Variants in AMDHD1 observed in about 807,000 individuals in gnomAD.
AMDHD1 encodes the protein probable imidazolonepropionase.
Under a neutral mutation model 44.1 loss-of-function variants are expected in AMDHD1, and 45 were observed. The ratio of observed to expected loss-of-function variants is 1.02; its 90% CI spans 0.80 to 1.31. AMDHD1 has a LOEUF of 1.31. Ranked by LOEUF, AMDHD1 falls within the 50% of genes most tolerant of loss-of-function variation. The pLI, the probability that AMDHD1 is intolerant of heterozygous loss-of-function variation, is 0.00. For synonymous variants in AMDHD1, 206 were observed against 205.0 expected (o/e 1.00, Z -0.04); for missense variants, 586 against 552.1 (o/e 1.06, Z -0.61).
chr12:95,963,748 G>A (rs924319194), intron 6 of AMDHD1, among the ~76,000 whole-genome samples: 11 of 152,124 alleles, frequency 7.2e-5, no homozygotes, highest in African/African-American at 2.7e-4. Context: ...GGCTTTCTTC[G>A]GCTGGGCACA....
intron 2 of AMDHD1, among the ~76,000 whole-genome samples, chr12:95,953,930 T>C (rs1049852194): frequency 6.6e-5 from 10 of 152,136 alleles, no homozygotes; most frequent in Non-Finnish European, 2.9e-5. Context: ...TGAAATGTTA[T>C]GAAAAAGAGG....
intron 3 of AMDHD1, among the ~76,000 whole-genome samples, chr12:95,955,987 G>A (rs1308404043): frequency 4.6e-5 from 7 of 152,182 alleles, no homozygotes; most frequent in Non-Finnish European, 7.3e-5. Flanking sequence ...AATTGCCTAA[G>A]CTTTGTTTTC....
chr12:95,944,694 C>T (rs540921345), intron 1 of AMDHD1, among the ~76,000 whole-genome samples: 25 of 152,208 alleles, frequency 1.6e-4, no homozygotes, highest in African/African-American at 5.5e-4. Flanking sequence ...AGATTACAGG[C>T]GTGAACCACC....
intron 1 of AMDHD1, among the ~76,000 whole-genome samples, chr12:95,949,140 T>TAAAAAAAAAA (rs1170844527): frequency 6.7e-4 from 3 of 4,462 alleles, no homozygotes; most frequent in Admixed American, 3.8e-3. Flanking sequence ...AAAAATAAAT[T>TAAAAAAAAAA]AAAAAAAAAA....
At chr12:95,964,206 T>C (rs56165065) in intron 6 of AMDHD1, among the ~76,000 whole-genome samples, 2,765 of 152,090 alleles carry the variant, frequency 0.018, 86 homozygotes, top group African/African-American at 0.063. Flanking sequence ...TAGCCTCCTA[T>C]TAGGACCACA....
intron 8 of AMDHD1, 22 bp downstream of exon 8, chr12:95,966,530 T>C (rs1292721649): frequency 3.1e-6 from 5 of 1,613,732 alleles, no homozygotes; most frequent in Non-Finnish European, 4.2e-6. Context: ...TCAACTTAGC[T>C]CTTTTATATT....
intron 1 of AMDHD1, among the ~76,000 whole-genome samples, chr12:95,949,140 TAA>T (rs1170844527): frequency 4.5e-4 from 2 of 4,460 alleles, no homozygotes; most frequent in African/African-American, 1.8e-3. Flanking sequence ...AAAAATAAAT[TAA>T]AAAAAAAAAA....
rs1241339175 is a variant in AMDHD1, at chr12:95,954,669, AT to A, written c.245-238del. Reference sequence around the variant, plus strand: ...AAGGAGCTGTATTTCTGTAAGGGATATTTTCATCATGTTGCATCACCTCCTT... The same window carrying A: ...AAGGAGCTGTATTTCTGTAAGGGATATTTCATCATGTTGCATCACCTCCTT... On this transcript the variant is annotated intron_variant, in intron 2 of 8. Transcript: ENST00000266736. Among the ~76,000 whole-genome samples the A allele has an allele frequency of 3.9e-5, 6 of 152,306 alleles. No homozygotes were observed. In the East Asian group the frequency reaches 7.7e-4, roughly 20 times the overall value.
rs532965838 is a variant in AMDHD1, at chr12:95,961,039, G to A, written c.813+416G>A. 4.0e-5 allele frequency among the ~76,000 whole-genome samples: 6 copies of A among 151,652 alleles called. No homozygotes were observed. In the South Asian group the frequency reaches 8.4e-4, roughly 21 times the overall value. ...CACGCGCCTGTAATCCCAGCTACTCGGGAGGCTGAGGCAGGAGAATTGCTT... is the reference window on the plus strand; with the variant it reads ...CACGCGCCTGTAATCCCAGCTACTCAGGAGGCTGAGGCAGGAGAATTGCTT... On this transcript the variant is annotated intron_variant, in intron 5 of 8. Coordinates refer to ENST00000266736, the MANE Select transcript of AMDHD1 (RefSeq NM_152435.3).
Position 95,966,383 on chromosome 12 carries a change from A to G in AMDHD1, c.1068A>G (p.Arg356=), listed in dbSNP as rs2080610534. 1 of 1,614,080 alleles carries G rather than the reference A, an allele frequency of 6.2e-7. No homozygotes were observed. Among genetic ancestry groups the G allele is most frequent in the South Asian group, 1.1e-5 (1 of 91,084 alleles). The change falls in exon 8 of 9, where the codon AGA becomes AGG. Residue 356 remains arginine, a synonymous_variant. Transcript: ENST00000266736. ...MVMHLACVNM[R]MSMPEALAAA... is the part of the protein sequence containing the mutation. Reference sequence around the variant, plus strand: ...TGCATCTGGCCTGTGTAAACATGAGAATGTCCATGCCTGAGGCCTTGGCCG... The same window carrying G: ...TGCATCTGGCCTGTGTAAACATGAGGATGTCCATGCCTGAGGCCTTGGCCG...
chr12:95,960,478 A>G lies in AMDHD1; in HGVS notation c.668A>G (p.Glu223Gly), dbSNP rs772760819. The change falls in exon 5 of 9, where the codon GAA becomes GGA. Residue 223 changes from glutamate to glycine, a missense_variant. By Grantham distance (98) the Glu-to-Gly change is moderately conservative (BLOSUM62 -2). Transcript: ENST00000266736. ...CTGAAGGAACTTGGCAGAAATGGGG[A>G]AATACACGTGGACAATATAGACGTA... ...PKLKELGRNG[E>G]IHVDNIDVFC... The G allele has an allele frequency of 6.3e-5, 101 of 1,614,256 alleles. 1 individual carries two copies. The East Asian group carries it at 8.9e-4, about 14-fold the overall frequency.
intron 8 of AMDHD1, among the ~76,000 whole-genome samples, chr12:95,967,238 C>T (rs1469621633): frequency 1.3e-5 from 2 of 152,154 alleles, no homozygotes; most frequent in African/African-American, 4.8e-5. Context: ...TGGGAAAGAC[C>T]CACTCCCATG....
intron 6 of AMDHD1, among the ~76,000 whole-genome samples, chr12:95,964,771 A>G (rs1159393411): frequency 2.6e-5 from 4 of 151,996 alleles, no homozygotes; most frequent in Admixed American, 2.0e-4. Flanking sequence ...GGCTTTGTTT[A>G]TTTTTGATGT....
intron 1 of AMDHD1, among the ~76,000 whole-genome samples, chr12:95,944,695 G>A (rs1466975627): frequency 3.3e-5 from 5 of 152,170 alleles, no homozygotes; most frequent in Non-Finnish European, 5.9e-5. Flanking sequence ...GATTACAGGC[G>A]TGAACCACCA....
chr12:95,967,734 T>G, intron 8 of AMDHD1, 22 bp from the exon 9 acceptor site: 1 of 1,458,656 alleles, frequency 6.9e-7, no homozygotes, highest in Non-Finnish European at 9.1e-7. Flanking sequence ...GTAATATTTG[T>G]TGTTTTTTTT....
chr12:95,964,855 A>G (rs1385014432), intron 6 of AMDHD1, among the ~76,000 whole-genome samples: 2 of 150,614 alleles, frequency 1.3e-5, no homozygotes, highest in African/African-American at 4.9e-5. Context: ...TAATCCAGGA[A>G]GAAGTATAAA....
chr12:95,948,008 C>T (rs1373400525), intron 1 of AMDHD1, among the ~76,000 whole-genome samples: 3 of 107,902 alleles, frequency 2.8e-5, no homozygotes, highest in African/African-American at 1.1e-4. Context: ...GCCCCCCGCC[C>T]GGCCAGCCGC....
intron 6 of AMDHD1, among the ~76,000 whole-genome samples, chr12:95,964,745 C>A (rs2136770935): frequency 6.6e-6 from 1 of 152,068 alleles, no homozygotes; most frequent in Non-Finnish European, 1.5e-5. Flanking sequence ...GTCCTCATTG[C>A]TTTAACGAGC....
chr12:95,945,002 C>T (rs1177762360), intron 1 of AMDHD1, among the ~76,000 whole-genome samples: 2 of 152,046 alleles, frequency 1.3e-5, no homozygotes, highest in South Asian at 2.1e-4. Context: ...GGCATGGCGG[C>T]GCACGTCTGT....
Sources: gnomAD v4.1 joint callset for allele counts (sites outside exome capture counted in the v4.1 genomes callset) on GRCh38, gnomAD v4.1.1 for gene constraint, MANE v1.5 for transcripts, NCBI Gene and HGNC (gene_info 2026-07-23, HGNC 2026-07-21) for gene names.